PDCD10: variants seen among roughly 807,000 people sequenced by gnomAD.
PDCD10 encodes the protein programmed cell death protein 10.
PDCD10 carries 4 observed loss-of-function variants against 29.2 expected under a neutral mutation model. That is an observed-to-expected ratio of 0.14 (90% CI 0.07 to 0.31). The LOEUF (loss-of-function observed/expected upper bound fraction) is 0.31. Ranked by LOEUF, PDCD10 falls within the 10% of genes least tolerant of loss-of-function variation. The probability of loss-of-function intolerance (pLI) is 1.00; values close to 1 mark genes in which losing one functional copy is unlikely to be tolerated. For missense variants in PDCD10, 183 were observed against 257.9 expected (o/e 0.71, Z 1.99); for synonymous variants, 70 against 82.2 (o/e 0.85, Z 0.80).
At position 167,734,642 on chromosome 3, in the gene PDCD10, C is replaced by A. The variant is rs1336158423; in HGVS notation, c.-254+20G>T. On this transcript the variant is annotated intron_variant, in intron 1 of 8. Transcript: ENST00000392750. ...TTACAAACCCGCTTTACGCCACTCG[C>A]GTAGGGTAACCTCGCTTACGCCCGT... The A allele has an allele frequency of 2.0e-5, 3 of 152,812 alleles. No individual in the cohort carries two copies. Among genetic ancestry groups the A allele is most frequent in the African/African-American group, 7.2e-5 (3 of 41,460 alleles). The allele number at this position is 152,812 out of a possible 1,614,324, so 9.5% of individuals were successfully genotyped here.
At chr3:167,715,800 T>C (rs549497782) in intron 3 of PDCD10, among the ~76,000 whole-genome samples, 3 of 152,164 alleles carry the variant, frequency 2.0e-5, no homozygotes, top group East Asian at 1.9e-4. Flanking sequence ...AAAACCCTGG[T>C]ATAGTGTTGG....
rs1180288755 is a variant in PDCD10, at chr3:167,690,384, G to GA, written c.396-2692dup. On this transcript the variant is annotated intron_variant, in intron 6 of 8. Transcript: ENST00000392750. ...AGTTTGGTTTAGACTGGAAAACTCT[G>GA]AAAAAATCTATTCTGAACCCTTCAT... is the stretch of plus-strand genomic sequence containing the variant. Among the ~76,000 whole-genome samples the GA allele has an allele frequency of 2.6e-5, 4 of 152,060 alleles. No homozygotes were observed. In the South Asian group the frequency reaches 6.2e-4, roughly 24 times the overall value.
chr3:167,722,412 C>T (rs1194355060), intron 2 of PDCD10, among the ~76,000 whole-genome samples: 3 of 152,140 alleles, frequency 2.0e-5, no homozygotes, highest in Non-Finnish European at 2.9e-5. Context: ...AGAAGTCAGG[C>T]TGCTATATCG....
chr3:167,698,565 T>G lies in PDCD10; in HGVS notation c.151-1439A>C, dbSNP rs1252019524. Reference sequence around the variant, plus strand: ...ACAAAACAAAACAAAAAAAACTGTGTTTTTTAAAAAAGGAGTTTCCTTTAT... The same window carrying G: ...ACAAAACAAAACAAAAAAAACTGTGGTTTTTAAAAAAGGAGTTTCCTTTAT... On this transcript the variant is annotated intron_variant, in intron 4 of 8. Coordinates refer to ENST00000392750, the MANE Select transcript of PDCD10 (RefSeq NM_007217.4). Among the ~76,000 whole-genome samples the G allele has an allele frequency of 2.0e-5, 3 of 152,018 alleles. No individual in the cohort carries two copies. The South Asian group carries it at 6.2e-4, about 32-fold the overall frequency.
At chr3:167,709,552 A>C (rs372175364) in intron 3 of PDCD10, among the ~76,000 whole-genome samples, 2 of 152,162 alleles carry the variant, frequency 1.3e-5, no homozygotes, top group Admixed American at 1.3e-4. Flanking sequence ...TGGACGTGAC[A>C]CGGTCAGAGG....
chr3:167,714,491 G>A lies in PDCD10; in HGVS notation c.96+5571C>T, dbSNP rs139401997. ...ATAAAAGGCATCCAAATTGGAAAGG[G>A]AAGAAGTCAAATTATCCTTGTTTGT... On this transcript the variant is annotated intron_variant, in intron 3 of 8. Transcript: ENST00000392750. 2.3e-3 allele frequency among the ~76,000 whole-genome samples: 347 copies of A among 152,108 alleles called. 2 individuals carry two copies. The highest frequency in any genetic ancestry group is 7.8e-3 in the African/African-American group (324 of 41,546).
rs757883683 is a variant in PDCD10, at chr3:167,697,947, CATT to C, written c.151-824_151-822del. The C allele has an allele frequency of 1.5e-4, 67 of 456,654 alleles. No homozygotes were observed. In the East Asian group the frequency reaches 2.7e-3, roughly 18 times the overall value. The allele number at this position is 456,654 out of a possible 1,614,324, so 28.3% of individuals were successfully genotyped here. A position where few individuals can be genotyped will look rare whatever the true frequency, so the allele number is the denominator to read the frequency against. ...CTGTAGGATGCCTGCCAATTTTAAT[CATT>C]ATGCTGATGATTTTCTTTCCTTTTT... On this transcript the variant is annotated intron_variant, in intron 4 of 8. Coordinates refer to ENST00000392750, the MANE Select transcript of PDCD10 (RefSeq NM_007217.4).
chr3:167,724,157 A>G (rs966255143), intron 2 of PDCD10, among the ~76,000 whole-genome samples: 2 of 152,214 alleles, frequency 1.3e-5, no homozygotes, highest in East Asian at 1.9e-4. Context: ...GGGACTTGAG[A>G]TAAGTCTAGA....
intron 3 of PDCD10, among the ~76,000 whole-genome samples, chr3:167,711,051 T>C (rs180901860): frequency 2.0e-5 from 3 of 152,184 alleles, no homozygotes; most frequent in East Asian, 1.9e-4. Context: ...CCAAGAAAGA[T>C]GGGCAAAAAC....
At chr3:167,730,241 C>A (rs998864781) in intron 2 of PDCD10, among the ~76,000 whole-genome samples, 1 of 152,008 alleles carries the variant, frequency 6.6e-6, no homozygotes, top group African/African-American at 2.4e-5. Context: ...TAAAGCATAA[C>A]CCTCTAACAC....
At chr3:167,685,325 G>A (rs751603067) in intron 8 of PDCD10, among the ~76,000 whole-genome samples, 9 of 145,938 alleles carry the variant, frequency 6.2e-5, no homozygotes, top group Non-Finnish European at 1.3e-4. Context: ...CAGGAGAATT[G>A]CTTGAACCCA....
At chr3:167,705,047 G>T in intron 3 of PDCD10, 152 bp from the exon 4 acceptor site, 2 of 516,496 alleles carry the variant, frequency 3.9e-6, no homozygotes, top group South Asian at 2.8e-5. Flanking sequence ...CTTCAATTAG[G>T]CTATCAAAAT....
intron 5 of PDCD10, among the ~76,000 whole-genome samples, chr3:167,696,481 G>A (rs1211272896): frequency 6.6e-6 from 1 of 152,080 alleles, no homozygotes; most frequent in Non-Finnish European, 1.5e-5. Flanking sequence ...GAAATTATAT[G>A]TCCATATTTT....
intron 2 of PDCD10, among the ~76,000 whole-genome samples, chr3:167,728,351 C>A (rs1286741178): frequency 1.3e-5 from 2 of 152,058 alleles, no homozygotes; most frequent in Admixed American, 6.5e-5. Context: ...ACTCATTTAA[C>A]ATTCCCAACT....
chr3:167,708,755 A>T (rs1368845424), intron 3 of PDCD10, among the ~76,000 whole-genome samples: 1 of 152,228 alleles, frequency 6.6e-6, no homozygotes, highest in Non-Finnish European at 1.5e-5. Context: ...CTGTCTGGCA[A>T]AAAAGGTAAG....
intron 5 of PDCD10, among the ~76,000 whole-genome samples, chr3:167,696,216 T>G (rs189243332): frequency 2.0e-5 from 3 of 152,278 alleles, no homozygotes; most frequent in East Asian, 3.9e-4. Context: ...CTTCTACACA[T>G]TTTTGAAATC....
intron 6 of PDCD10, chr3:167,694,342 G>A (rs1200149372): frequency 1.5e-5 from 3 of 202,950 alleles, no homozygotes; most frequent in African/African-American, 4.7e-5. Flanking sequence ...CATGGTATGC[G>A]ATATTAATCA....
At chr3:167,697,161 A>C (rs1720903770) in intron 4 of PDCD10, 35 bp from the exon 5 acceptor site, 1 of 1,114,600 alleles carries the variant, frequency 9.0e-7, no homozygotes. Flanking sequence ...TGAAATACAG[A>C]TAAGGAATCA....
At chr3:167,698,282 T>C (rs973255989) in intron 4 of PDCD10, among the ~76,000 whole-genome samples, 2 of 152,232 alleles carry the variant, frequency 1.3e-5, no homozygotes, top group African/African-American at 2.4e-5. Flanking sequence ...ATCATTTTGA[T>C]AGATGATTAA....
Sources: gnomAD v4.1 joint callset for allele counts (sites outside exome capture counted in the v4.1 genomes callset) on GRCh38, gnomAD v4.1.1 for gene constraint, MANE v1.5 for transcripts, NCBI Gene and HGNC (gene_info 2026-07-23, HGNC 2026-07-21) for gene names.